The following GSR variants were observed in gnomAD, a reference collection of about 807,000 sequenced individuals.
The protein encoded by GSR is glutathione-disulfide reductase, also known as glutathione reductase, mitochondrial.
GSR carries 48 observed loss-of-function variants against 56.5 expected under a neutral mutation model. The observed-to-expected ratio is 0.85, with a 90% confidence interval of 0.67 to 1.08. The LOEUF is 1.08. GSR is among the 50% of genes least tolerant of loss of function. GSR has a pLI of 0.00. For missense variants in GSR, 694 were observed against 703.3 expected (o/e 0.99, Z 0.15); for synonymous variants, 264 against 270.8 (o/e 0.97, Z 0.25).
At position 30,727,846 on chromosome 8, in the gene GSR, G is replaced by T; in HGVS notation, c.-11C>A. 8.3e-7 allele frequency: 1 copy of T among 1,200,554 alleles called. No individual in the cohort carries two copies. Among genetic ancestry groups the T allele is most frequent in the Non-Finnish European group, 1.0e-6 (1 of 969,862 alleles). The allele number at this position is 1,200,554 out of a possible 1,614,324, so 74.4% of individuals were successfully genotyped here. ...GGGCAGCAGGGCCATGCACGCGGAA[G>T]TGGCGCGCCAAGTGGGGCGGGCGGC... is the stretch of plus-strand genomic sequence containing the variant. On this transcript the variant is annotated 5_prime_UTR_variant, in exon 1 of 13. Coordinates refer to ENST00000221130, the MANE Select transcript of GSR (RefSeq NM_000637.5).
chr8:30,710,714 C>CAAAAAAAAAAAAAAAAAAAAAAAAAAA (rs60532553), intron 2 of GSR, among the ~76,000 whole-genome samples: 2 of 51,044 alleles, frequency 3.9e-5, no homozygotes, highest in African/African-American at 1.3e-4. Flanking sequence ...GACTCTGTCT[C>CAAAAAAAAAAAAAAAAAAAAAAAAAAA]AAAAAAAAAA....
At chr8:30,688,886 G>T (rs979913106) in intron 9 of GSR, among the ~76,000 whole-genome samples, 1 of 151,866 alleles carries the variant, frequency 6.6e-6, no homozygotes, top group Non-Finnish European at 1.5e-5. Context: ...TCACACCACT[G>T]AACTCCAGCC....
intron 12 of GSR, 24 bp downstream of exon 12, chr8:30,680,880 T>C: frequency 6.2e-7 from 1 of 1,609,716 alleles, no homozygotes; most frequent in South Asian, 1.1e-5. Context: ...AAGGCACTAT[T>C]TAGTTTGCTG....
At chr8:30,719,812 C>T (rs2128748742) in intron 1 of GSR, among the ~76,000 whole-genome samples, 1 of 152,302 alleles carries the variant, frequency 6.6e-6, no homozygotes, top group Admixed American at 6.5e-5. Flanking sequence ...TCGTTACCTT[C>T]AATCCTGCCT....
rs1301968026 is a variant in GSR, at chr8:30,721,649, T to A, written c.306+5881A>T. Among the ~76,000 whole-genome samples, 6 of 97,404 alleles carry A rather than the reference T, an allele frequency of 6.2e-5. No individual in the cohort carries two copies. In the East Asian group the frequency reaches 2.1e-3, roughly 35 times the overall value. 63.9% of individuals were successfully genotyped at this position (97,404 alleles called of 152,430 possible). ...GCCAGGGTGACAGAGTGAGACTTCG[T>A]GTCAAGAAGAAAAAAAAAAAGCCAA... On this transcript the variant is annotated intron_variant, in intron 1 of 12. Coordinates refer to ENST00000221130, the MANE Select transcript of GSR (RefSeq NM_000637.5).
intron 1 of GSR, among the ~76,000 whole-genome samples, chr8:30,718,257 C>G (rs1213544931): frequency 2.0e-5 from 3 of 152,140 alleles, no homozygotes; most frequent in Non-Finnish European, 2.9e-5. Flanking sequence ...GACTGCTGCT[C>G]TAGCTGACCT....
At chr8:30,693,413 TACTAGCAAAATCTTGTCTAG>T (rs1438586043) in intron 7 of GSR, among the ~76,000 whole-genome samples, 3 of 152,208 alleles carry the variant, frequency 2.0e-5, no homozygotes, top group African/African-American at 7.2e-5. Flanking sequence ...AGGGAAGATT[TACTAGCAAAATCTTGTCTAG>T]CCATAAATCT....
intron 3 of GSR, among the ~76,000 whole-genome samples, chr8:30,708,920 C>T (rs1804013408): frequency 6.8e-6 from 1 of 146,212 alleles, no homozygotes; most frequent in South Asian, 2.1e-4. Flanking sequence ...GATCGCACCA[C>T]TGCACTCCAG....
At chr8:30,704,348 G>C (rs1803854998) in intron 4 of GSR, among the ~76,000 whole-genome samples, 1 of 152,108 alleles carries the variant, frequency 6.6e-6, no homozygotes. Flanking sequence ...GTGTCTGGAG[G>C]AGAGGCAGAA....
At chr8:30,689,640 G>A (rs1803290689) in intron 8 of GSR, among the ~76,000 whole-genome samples, 1 of 151,240 alleles carries the variant, frequency 6.6e-6, no homozygotes, top group South Asian at 2.1e-4. Context: ...ATTTTAAGTG[G>A]TAAACCTAAG....
chr8:30,726,580 G>A (rs546663164), intron 1 of GSR, among the ~76,000 whole-genome samples: 40 of 152,152 alleles, frequency 2.6e-4, no homozygotes, highest in South Asian at 2.1e-3. Flanking sequence ...GCAACATAGC[G>A]AGACCCCCAT....
chr8:30,702,598 C>A (rs1205468863), intron 5 of GSR, among the ~76,000 whole-genome samples: 1 of 152,170 alleles, frequency 6.6e-6, no homozygotes, highest in Non-Finnish European at 1.5e-5. Context: ...ATGAGGCTTT[C>A]ATTGATTTCT....
Position 30,678,344 on chromosome 8 carries a change from T to C in GSR, c.*1176A>G, listed in dbSNP as rs999641788. ...TGCACTTCACCTCATAAAAATAATA[T>C]ATATATATATATATATTTTTTTTTT... is the stretch of plus-strand genomic sequence containing the variant. On this transcript the variant is annotated 3_prime_UTR_variant, in exon 13 of 13. Coordinates refer to ENST00000221130, the MANE Select transcript of GSR (RefSeq NM_000637.5). 1 of 74,142 alleles carries C rather than the reference T, an allele frequency of 1.3e-5. No individual in the cohort carries two copies. The highest frequency in any genetic ancestry group is 2.0e-4 in the Admixed American group (1 of 4,896). 4.6% of individuals were successfully genotyped at this position (74,142 alleles called of 1,614,324 possible). A position where few individuals can be genotyped will look rare whatever the true frequency, so the allele number is the denominator to read the frequency against.
At chr8:30,719,870 C>A (rs1207530600) in intron 1 of GSR, among the ~76,000 whole-genome samples, 1 of 152,148 alleles carries the variant, frequency 6.6e-6, no homozygotes, top group Non-Finnish European at 1.5e-5. Context: ...AAAACAAGAA[C>A]TTGGTTAATC....
At chr8:30,698,516 T>C (rs2551711) in intron 6 of GSR, among the ~76,000 whole-genome samples, 152,264 of 152,306 alleles carry the variant, frequency 1, 76,111 homozygotes, top group Non-Finnish European at 1. Flanking sequence ...CCAAAAAAGA[T>C]TGTATGGTTT....
intron 1 of GSR, among the ~76,000 whole-genome samples, chr8:30,715,235 A>G (rs1216304079): frequency 6.6e-6 from 1 of 152,090 alleles, no homozygotes; most frequent in Admixed American, 6.6e-5. Context: ...GAAGGCTACA[A>G]TAAGCTCTGA....
chr8:30,703,619 C>A (rs777711971), intron 4 of GSR, among the ~76,000 whole-genome samples: 1 of 151,908 alleles, frequency 6.6e-6, no homozygotes, highest in Non-Finnish European at 1.5e-5. Flanking sequence ...TGGTGCTGCA[C>A]ACCTGTAGTC....
chr8:30,702,281 C>T (rs1803771033), intron 5 of GSR, among the ~76,000 whole-genome samples: 1 of 151,864 alleles, frequency 6.6e-6, no homozygotes, highest in African/African-American at 2.4e-5. Context: ...GGTTGTGCCA[C>T]TGCACTCCAG....
Position 30,727,743 on chromosome 8 carries a change from G to C in GSR, c.93C>G (p.Pro31=). ...RAFRGFLLLL[P]EPAALTRALS... ...GGGCGCGCGTGAGGGCCGCGGGCTC[G>C]GGCAGAAGCAGCAGGAAGCCTCGGA... The change falls in exon 1 of 13, where the codon CCC becomes CCG. Residue 31 remains proline, a synonymous_variant. Coordinates refer to ENST00000221130, the MANE Select transcript of GSR (RefSeq NM_000637.5). 2 of 1,398,256 alleles carry C rather than the reference G, an allele frequency of 1.4e-6. No homozygotes were observed. Among genetic ancestry groups the C allele is most frequent in the Non-Finnish European group, 1.9e-6 (2 of 1,078,590 alleles). 86.6% of individuals were successfully genotyped at this position (1,398,256 alleles called of 1,614,324 possible). A position where few individuals can be genotyped will look rare whatever the true frequency, so the allele number is the denominator to read the frequency against.
Sources: gnomAD v4.1 joint callset for allele counts (sites outside exome capture counted in the v4.1 genomes callset) on GRCh38, gnomAD v4.1.1 for gene constraint, MANE v1.5 for transcripts, NCBI Gene and HGNC (gene_info 2026-07-23, HGNC 2026-07-21) for gene names.